The following HRH1 variants were observed in gnomAD, a reference collection of about 807,000 sequenced individuals.
The protein encoded by HRH1 is histamine receptor H1.
HRH1 carries 6 observed loss-of-function variants against 10.3 expected under a neutral mutation model. The ratio of observed to expected loss-of-function variants is 0.58; its 90% CI spans 0.32 to 1.15. The LOEUF is 1.15. Among genes scored for constraint, HRH1 ranks in the 50% most tolerant of loss-of-function variants. HRH1 has a pLI of 0.05. For synonymous variants in HRH1, 242 were observed against 236.7 expected, an observed-to-expected ratio of 1.02 and a Z score of -0.21; for missense variants, 514 against 615.3, an observed-to-expected ratio of 0.84 and a Z score of 1.74.
intron 1 of HRH1, among the ~76,000 whole-genome samples, chr3:11,183,250 G>A (rs1240907565): frequency 6.6e-6 from 1 of 152,208 alleles, no homozygotes; most frequent in African/African-American, 2.4e-5. Context: ...CCTTGGGGCT[G>A]TCCTGTACGT....
chr3:11,257,380 A>T (rs1939809089), intron 1 of HRH1, among the ~76,000 whole-genome samples: 1 of 151,744 alleles, frequency 6.6e-6, no homozygotes, highest in South Asian at 2.1e-4. Flanking sequence ...ACATGGTGAA[A>T]CCCCGTCTCT....
intron 1 of HRH1, among the ~76,000 whole-genome samples, chr3:11,202,899 C>T (rs1281544267): frequency 6.6e-6 from 1 of 152,192 alleles, no homozygotes; most frequent in Non-Finnish European, 1.5e-5. Flanking sequence ...CATCTGTGAT[C>T]TGCCTATTCA....
At position 11,259,211 on chromosome 3, in the gene HRH1, C is replaced by G. The variant is rs1254674624; in HGVS notation, c.174C>G (p.Leu58=). The G allele has an allele frequency of 6.2e-7, 1 of 1,613,748 alleles. No individual in the cohort carries two copies. The highest frequency in any genetic ancestry group is 8.5e-7 in the Non-Finnish European group (1 of 1,179,966). ...VLYAVRSERK[L]HTVGNLYIVS... ...ATGCCGTACGGAGTGAGCGGAAGCT[C>G]CACACTGTGGGGAACCTGTACATCG... Residue 58 remains leucine (L), a synonymous_variant, in exon 2 of 2, where the codon CTC becomes CTG. Coordinates refer to ENST00000431010, the MANE Select transcript of HRH1 (RefSeq NM_001098212.2). This position sits in a 1 kb window ranked among gnomAD's most constrained non-coding sequence, Gnocchi z 4.6.
At chr3:11,205,909 C>G (rs924071442) in intron 1 of HRH1, among the ~76,000 whole-genome samples, 6 of 152,086 alleles carry the variant, frequency 3.9e-5, no homozygotes, top group African/African-American at 1.2e-4. Flanking sequence ...ATCCGCCCGC[C>G]GCGGCCTCCC....
At chr3:11,157,058 G>T (rs901038033) in intron 1 of HRH1, among the ~76,000 whole-genome samples, 1 of 152,204 alleles carries the variant, frequency 6.6e-6, no homozygotes, top group Non-Finnish European at 1.5e-5. Context: ...TTGCTGCTAC[G>T]CAGTGCAGCT....
chr3:11,260,585 C>A lies in HRH1; in HGVS notation c.*84C>A. On this transcript the variant is annotated 3_prime_UTR_variant, in exon 2 of 2. Transcript: ENST00000431010. ...GGACGAAGGCCTGTGTGTTGCCAGG[C>A]AGGCACCTGGGCTTTCTGGAATCCA... is the stretch of plus-strand genomic sequence containing the variant. The A allele has an allele frequency of 7.5e-7, 1 of 1,329,828 alleles. No individual in the cohort carries two copies. Among genetic ancestry groups the A allele is most frequent in the Non-Finnish European group, 1.0e-6 (1 of 963,158 alleles). 82.4% of individuals were successfully genotyped at this position (1,329,828 alleles called of 1,614,324 possible).
At chr3:11,138,684 A>G (rs978108737) in intron 1 of HRH1, among the ~76,000 whole-genome samples, 6 of 151,246 alleles carry the variant, frequency 4.0e-5, no homozygotes, top group Admixed American at 3.3e-4. Flanking sequence ...AAAAACTTGT[A>G]CAAGAATGTT....
intron 1 of HRH1, among the ~76,000 whole-genome samples, chr3:11,169,407 G>A (rs1937110898): frequency 6.6e-6 from 1 of 152,174 alleles, no homozygotes; most frequent in African/African-American, 2.4e-5. Context: ...AAGAGATGGG[G>A]GAAGTAGGAG....
chr3:11,247,228 A>C (rs2152583951), intron 1 of HRH1, among the ~76,000 whole-genome samples: 1 of 152,270 alleles, frequency 6.6e-6, no homozygotes, highest in East Asian at 1.9e-4. Context: ...AGGCCGAGGC[A>C]GGAGAATTGC....
At chr3:11,144,429 A>ACC (rs1936369712) in intron 1 of HRH1, among the ~76,000 whole-genome samples, 1 of 44,368 alleles carries the variant, frequency 2.3e-5, no homozygotes, top group African/African-American at 6.0e-5. Context: ...GTATATATAC[A>ACC]TATAGACATA....
chr3:11,138,229 A>G (rs185551346), intron 1 of HRH1, among the ~76,000 whole-genome samples: 162 of 137,164 alleles, frequency 1.2e-3, no homozygotes, highest in Admixed American at 0.012. Flanking sequence ...TCACCGTGTT[A>G]GCCAGGATGG....
At chr3:11,242,889 C>T (rs1350824318) in intron 1 of HRH1, among the ~76,000 whole-genome samples, 2 of 151,934 alleles carry the variant, frequency 1.3e-5, no homozygotes, top group African/African-American at 4.8e-5. Flanking sequence ...CTGGCTTCTG[C>T]TGTTCTGTAT....
chr3:11,260,176 C>G lies in HRH1; in HGVS notation c.1139C>G (p.Ser380Cys). 1.2e-6 allele frequency: 2 copies of G among 1,614,016 alleles called. No homozygotes were observed. Among genetic ancestry groups the G allele is most frequent in the Non-Finnish European group, 1.7e-6 (2 of 1,180,020 alleles). Residue 380 changes from serine to cysteine, a missense_variant, in exon 2 of 2, where the codon TCT becomes TGT. Ser to Cys is a moderately radical substitution (Grantham distance 112). Coordinates refer to ENST00000431010, the MANE Select transcript of HRH1 (RefSeq NM_001098212.2). ...APGKGKLRSGSNTGLDYIKFT... is the reference protein window; with the variant it reads ...APGKGKLRSGCNTGLDYIKFT... Reference sequence around the variant, plus strand: ...GGCAAAGGCAAATTGAGGAGTGGGTCTAACACAGGCCTGGATTACATCAAG... The same window carrying G: ...GGCAAAGGCAAATTGAGGAGTGGGTGTAACACAGGCCTGGATTACATCAAG...
chr3:11,208,476 G>GT (rs1227070662), intron 1 of HRH1, among the ~76,000 whole-genome samples: 8 of 151,808 alleles, frequency 5.3e-5, no homozygotes, highest in African/African-American at 1.2e-4. Context: ...TTTTTTGAGG[G>GT]TTTTTTTGCT....
intron 1 of HRH1, among the ~76,000 whole-genome samples, chr3:11,176,428 T>C (rs1937250363): frequency 6.6e-6 from 1 of 152,034 alleles, no homozygotes; most frequent in Non-Finnish European, 1.5e-5. Context: ...TGGAAGGTGG[T>C]ACACCCCGCC....
intron 1 of HRH1, among the ~76,000 whole-genome samples, chr3:11,199,959 C>G (rs1243734805): frequency 1.3e-5 from 2 of 152,214 alleles, no homozygotes; most frequent in Non-Finnish European, 2.9e-5. Context: ...CATGGGAAAC[C>G]TAATCCTGTT....
At position 11,247,586 on chromosome 3, in the gene HRH1, A is replaced by G. The variant is rs546132526; in HGVS notation, c.-35-11417A>G. On this transcript the variant is annotated intron_variant, in intron 1 of 1. Coordinates refer to ENST00000431010, the MANE Select transcript of HRH1 (RefSeq NM_001098212.2). ...ATATCTGGATTTGTCTGGACGTGGC[A>G]AAGGCGGGAAGGTTGTTTACCGAAC... 1.6e-4 allele frequency among the ~76,000 whole-genome samples: 24 copies of G among 151,512 alleles called. No homozygotes were observed. The South Asian group carries it at 4.8e-3, about 30-fold the overall frequency.
intron 1 of HRH1, among the ~76,000 whole-genome samples, chr3:11,141,845 G>GT (rs1332568281): frequency 6.6e-6 from 1 of 152,212 alleles, no homozygotes; most frequent in Non-Finnish European, 1.5e-5. Context: ...ATGATGCTAT[G>GT]TACATTCTTC....
At position 11,200,445 on chromosome 3, in the gene HRH1, C is replaced by T. The variant is rs375703504; in HGVS notation, c.-36+45891C>T. On this transcript the variant is annotated intron_variant, in intron 1 of 1. Coordinates refer to ENST00000431010, the MANE Select transcript of HRH1 (RefSeq NM_001098212.2). Reference sequence around the variant, plus strand: ...AGCAGGGACATGGGCTCAGCTCTGCCGTTGAAGAGCCTGGGACATCCTTTG... The same window carrying T: ...AGCAGGGACATGGGCTCAGCTCTGCTGTTGAAGAGCCTGGGACATCCTTTG... Among the ~76,000 whole-genome samples the T allele has an allele frequency of 7.9e-5, 12 of 152,280 alleles. No individual in the cohort carries two copies. In the East Asian group the frequency reaches 1.9e-3, roughly 24 times the overall value.
Sources: gnomAD v4.1 joint callset for allele counts (sites outside exome capture counted in the v4.1 genomes callset) on GRCh38, gnomAD v4.1.1 for gene constraint, Gnocchi (gnomAD v3.1) non-coding constraint, MANE v1.5 for transcripts, NCBI Gene and HGNC (gene_info 2026-07-23, HGNC 2026-07-21) for gene names.